The following TYW2 variants were observed in gnomAD, a reference collection of about 807,000 sequenced individuals.
TYW2 encodes tRNA wybutosine-synthesizing protein 2 homolog.
At chr8:124,451,573 A>C in the TYW2 span, 1 of 1,614,150 alleles carries the variant, frequency 6.2e-7, no homozygotes, top group Non-Finnish European at 8.5e-7. Flanking sequence ...GACCCAGTGT[A>C]TGTTCTCCTT....
the TYW2 span, chr8:124,450,880 A>C: frequency 6.4e-7 from 1 of 1,558,344 alleles, no homozygotes; most frequent in African/African-American, 1.4e-5. Flanking sequence ...CCGGGAATTT[A>C]GTCAGCCTGG....
At chr8:124,450,969 T>C in the TYW2 span, 1 of 1,614,104 alleles carries the variant, frequency 6.2e-7, no homozygotes, top group Non-Finnish European at 8.5e-7. Context: ...AGAGAGAAAG[T>C]GGGAAGCCCG....
the TYW2 span, chr8:124,451,697 G>T: frequency 2.5e-6 from 4 of 1,614,050 alleles, no homozygotes; most frequent in Non-Finnish European, 2.5e-6. Context: ...GTTCATGCTG[G>T]TGCTGCCTTC....
At chr8:124,451,225 G>A in the TYW2 span, 1 of 1,614,178 alleles carries the variant, frequency 6.2e-7, no homozygotes, top group Middle Eastern at 1.6e-4. Context: ...GAGGGCCCAG[G>A]GTTGTTCACC....
the TYW2 span, chr8:124,450,903 G>C: frequency 2.5e-6 from 4 of 1,595,730 alleles, no homozygotes; most frequent in South Asian, 4.5e-5. Flanking sequence ...AGCCGACTCT[G>C]AGGAGATGGA....
At chr8:124,451,810 A>G in the TYW2 span, 15 of 1,614,092 alleles carry the variant, frequency 9.3e-6, no homozygotes, top group Non-Finnish European at 1.3e-5. Flanking sequence ...TGGAGATAAC[A>G]GAAAACTGAA....
At chr8:124,452,057 G>A in the TYW2 span, 1 of 1,614,220 alleles carries the variant, frequency 6.2e-7, no homozygotes, top group Non-Finnish European at 8.5e-7. Context: ...GGAGCTACCA[G>A]GGATTCTAGG....
the TYW2 span, chr8:124,452,310 C>G: frequency 1.3e-6 from 2 of 1,594,884 alleles, no homozygotes; most frequent in Admixed American, 1.7e-5. Flanking sequence ...GATCCACGTG[C>G]GAGTGGCCCT....
chr8:124,451,077 A>G, the TYW2 span: 8 of 1,614,118 alleles, frequency 5.0e-6, no homozygotes, highest in Non-Finnish European at 6.8e-6. Flanking sequence ...ACCGTGTGGA[A>G]AAGATGCCGG....
the TYW2 span, chr8:124,450,872 G>A: frequency 2.6e-6 from 4 of 1,550,976 alleles, no homozygotes; most frequent in African/African-American, 1.4e-5. Context: ...ATTTAAGACC[G>A]GGAATTTAGT....
the TYW2 span, chr8:124,450,993 A>C: frequency 6.2e-7 from 1 of 1,614,198 alleles, no homozygotes; most frequent in East Asian, 2.2e-5. Flanking sequence ...CTGTTGTCGC[A>C]GTTGTGACTG....
the TYW2 span, chr8:124,451,791 A>G: frequency 2.5e-6 from 4 of 1,614,058 alleles, no homozygotes; most frequent in Non-Finnish European, 3.4e-6. Flanking sequence ...ATCGGTGCCA[A>G]ATACACTTTG....
chr8:124,451,975 C>T, the TYW2 span: 14 of 1,614,090 alleles, frequency 8.7e-6, no homozygotes, highest in Admixed American at 2.3e-4. Context: ...TCTTCAGGCT[C>T]TTGGAGTCAG....
the TYW2 span, chr8:124,450,955 A>C: frequency 6.2e-7 from 1 of 1,614,106 alleles, no homozygotes; most frequent in Non-Finnish European, 8.5e-7. Flanking sequence ...TGTTAGCAAC[A>C]TGGAGAGAGA....
At chr8:124,452,119 TC>T in the TYW2 span, 2 of 1,614,218 alleles carry the variant, frequency 1.2e-6, no homozygotes, top group Admixed American at 3.3e-5. Context: ...GTGGGCAGAA[TC>T]TGCAGAAACT....
At chr8:124,451,407 C>G in the TYW2 span, 1 of 1,614,158 alleles carries the variant, frequency 6.2e-7, no homozygotes, top group Non-Finnish European at 8.5e-7. Flanking sequence ...GACCGGAACT[C>G]TGGGAGACCG....
the TYW2 span, chr8:124,452,381 C>A: frequency 8.7e-7 from 1 of 1,146,764 alleles, no homozygotes; most frequent in Non-Finnish European, 1.2e-6. Context: ...CAGTTTTTTT[C>A]ATATTTTATA....
At chr8:124,452,553 G>A in the TYW2 span, 5 of 405,082 alleles carry the variant, frequency 1.2e-5, no homozygotes, top group Admixed American at 2.1e-4. Context: ...TGGAATTGAA[G>A]TTTCAGTATG....
the TYW2 span, chr8:124,452,581 G>A: frequency 1.8e-4 from 60 of 332,140 alleles, no homozygotes; most frequent in Middle Eastern, 9.5e-4. Context: ...CTCGGGTTTC[G>A]TTATTTGCAA....
Sources: gnomAD v4.1 joint callset for allele counts on GRCh38, gnomAD v4.1.1 for gene constraint, MANE v1.5 for transcripts, NCBI Gene and HGNC (gene_info 2026-07-23, HGNC 2026-07-21) for gene names.